NBEA: variants seen among roughly 807,000 people sequenced by gnomAD.
The protein encoded by NBEA is lysosomal-trafficking regulator 2.
In NBEA, 44 loss-of-function variants were observed where a neutral mutation model predicts 343.4. The observed-to-expected ratio is 0.13, with a 90% CI of 0.10 to 0.16. NBEA has a LOEUF of 0.16. NBEA is among the 10% of genes least tolerant of loss of function. NBEA has a pLI of 1.00. For synonymous variants in NBEA, 1,175 were observed against 1,238.7 expected (o/e 0.95, Z 1.08); for missense variants, 2,555 against 3,631.3 (o/e 0.70, Z 7.62).
At chr13:35,412,188 G>A (rs1158226354) in intron 38 of NBEA, among the ~76,000 whole-genome samples, 1 of 152,074 alleles carries the variant, frequency 6.6e-6, no homozygotes, top group African/African-American at 2.4e-5. Context: ...ATATATTATA[G>A]GTAAGAGATT....
At chr13:35,168,556 G>C (rs2070216802) in intron 24 of NBEA, among the ~76,000 whole-genome samples, 2 of 151,468 alleles carry the variant, frequency 1.3e-5, no homozygotes, top group Non-Finnish European at 3.0e-5. Context: ...GAAAATTCTA[G>C]AGGTTGGTAT....
intron 1 of NBEA, among the ~76,000 whole-genome samples, chr13:35,028,080 G>A (rs953328432): frequency 6.6e-6 from 1 of 151,906 alleles, no homozygotes; most frequent in East Asian, 1.9e-4. Context: ...AATTATTATA[G>A]CAAGTCTTAA....
chr13:35,120,672 A>ATTGTTATTTAGTAATAATGT (rs1566316799), intron 16 of NBEA, among the ~76,000 whole-genome samples: 2 of 149,026 alleles, frequency 1.3e-5, no homozygotes, highest in African/African-American at 5.2e-5. Context: ...AATTGGGCTT[A>ATTGTTATTTAGTAATAATGT]AGGAAGCCCT....
In NBEA at chr13:35,665,173, C is replaced by T. The variant is rs2085290511; in HGVS notation, c.8451C>T (p.Ile2817=). The change falls in exon 56 of 59, where the codon ATC becomes ATT. Residue 2817 remains isoleucine, a synonymous_variant. Transcript: ENST00000379939. ...TCTGTGCAGAACTTGGGCTTGTTAT[C>T]AGTGGTGCTAAAGGTCAGAAGTCAT... ...VSVCAELGLV[I]SGAKEGPCLV... 1 of 1,588,182 alleles carries T rather than the reference C, an allele frequency of 6.3e-7. No individual in the cohort carries two copies. The highest frequency in any genetic ancestry group is 1.3e-5 in the African/African-American group (1 of 74,752).
intron 18 of NBEA, among the ~76,000 whole-genome samples, chr13:35,153,229 T>G (rs370935534): frequency 6.6e-6 from 1 of 151,896 alleles, no homozygotes; most frequent in East Asian, 1.9e-4. Context: ...GAGACAGGGT[T>G]TCACCGTGTT....
At chr13:35,022,607 TG>T (rs1440103701) in intron 1 of NBEA, among the ~76,000 whole-genome samples, 1 of 152,140 alleles carries the variant, frequency 6.6e-6, no homozygotes, top group Non-Finnish European at 1.5e-5. Flanking sequence ...TACATGTTGA[TG>T]GGGGCAGATC....
At chr13:35,633,399 G>T (rs1374571825) in intron 49 of NBEA, among the ~76,000 whole-genome samples, 1 of 150,572 alleles carries the variant, frequency 6.6e-6, no homozygotes, top group Non-Finnish European at 1.5e-5. Flanking sequence ...ACCGCGCCCG[G>T]CCTAAATAAT....
At chr13:35,485,529 C>T (rs1415603079) in intron 41 of NBEA, among the ~76,000 whole-genome samples, 4 of 152,054 alleles carry the variant, frequency 2.6e-5, no homozygotes, top group Admixed American at 2.0e-4. Flanking sequence ...TTAGTTACAT[C>T]GCAAAGCTTT....
intron 1 of NBEA, among the ~76,000 whole-genome samples, chr13:35,009,061 C>T (rs1302057182): frequency 6.6e-6 from 1 of 152,176 alleles, no homozygotes; most frequent in Non-Finnish European, 1.5e-5. Context: ...TCTCTGATGT[C>T]TTCAAGTATT....
intron 41 of NBEA, among the ~76,000 whole-genome samples, chr13:35,504,221 CA>C (rs2076989146): frequency 1.3e-5 from 2 of 152,112 alleles, no homozygotes; most frequent in Admixed American, 1.3e-4. Flanking sequence ...ATTGAAGTTA[CA>C]AACAACAAAA....
intron 33 of NBEA, among the ~76,000 whole-genome samples, chr13:35,215,732 A>G (rs1368584158): frequency 6.6e-6 from 1 of 151,648 alleles, no homozygotes; most frequent in African/African-American, 2.4e-5. Context: ...ATTATTTTCT[A>G]TGCATGAGAT....
intron 49 of NBEA, among the ~76,000 whole-genome samples, chr13:35,630,879 A>G (rs750689445): frequency 3.3e-5 from 5 of 152,100 alleles, no homozygotes; most frequent in Non-Finnish European, 7.4e-5. Flanking sequence ...GCCATTTAGT[A>G]CAGTGTAGAC....
chr13:35,611,201 A>G (rs532318406), intron 48 of NBEA, among the ~76,000 whole-genome samples: 2 of 152,320 alleles, frequency 1.3e-5, no homozygotes, highest in South Asian at 2.1e-4. Flanking sequence ...TAGCCCCCCA[A>G]AAATGAAAAC....
At chr13:35,562,588 C>G (rs1009476956) in intron 44 of NBEA, among the ~76,000 whole-genome samples, 1 of 152,004 alleles carries the variant, frequency 6.6e-6, no homozygotes, top group African/African-American at 2.4e-5. Context: ...CTTTTTTACT[C>G]TGTGATGAAC....
chr13:35,169,646 A>T (rs1438593796), intron 25 of NBEA, among the ~76,000 whole-genome samples: 1 of 151,738 alleles, frequency 6.6e-6, no homozygotes, highest in African/African-American at 2.4e-5. Flanking sequence ...GTGAACACAG[A>T]TCTAGATATT....
intron 54 of NBEA, 142 bp from the exon 55 acceptor site, chr13:35,655,437 G>A: frequency 1.2e-6 from 1 of 846,112 alleles, no homozygotes; most frequent in Non-Finnish European, 1.8e-6. Flanking sequence ...AACTTTGTCA[G>A]CCCATAGATG....
chr13:35,070,796 T>G lies in NBEA; in HGVS notation c.1515T>G (p.Leu505=). ...GAGGGATTCAAGTGCTTTTTCCACTTTTTGCCCAATTGGATAATAGGCAGC... is the reference window on the plus strand; with the variant it reads ...GAGGGATTCAAGTGCTTTTTCCACTGTTTGCCCAATTGGATAATAGGCAGC... ...SIGGIQVLFP[L]FAQLDNRQLN... is the part of the protein sequence containing the mutation. Residue 505 remains leucine (L), a synonymous_variant, in exon 10 of 59, where the codon CTT becomes CTG. Coordinates refer to ENST00000379939, the MANE Select transcript of NBEA (RefSeq NM_001385012.1). The G allele has an allele frequency of 1.2e-6, 2 of 1,610,358 alleles. No homozygotes were observed.
At chr13:35,356,772 A>G (rs2040511727) in intron 38 of NBEA, among the ~76,000 whole-genome samples, 1 of 152,046 alleles carries the variant, frequency 6.6e-6, no homozygotes, top group Non-Finnish European at 1.5e-5. Flanking sequence ...ACTCCACCAC[A>G]GCCACCCTGG....
At chr13:35,649,114 C>T (rs1462668111) in intron 51 of NBEA, among the ~76,000 whole-genome samples, 1 of 152,216 alleles carries the variant, frequency 6.6e-6, no homozygotes, top group African/African-American at 2.4e-5. Context: ...CATAAACAGT[C>T]AGTGCCAGAG....
Sources: allele counts gnomAD v4.1 joint callset (sites outside exome capture counted in the v4.1 genomes callset), GRCh38; gene constraint gnomAD v4.1.1; transcripts MANE v1.5; gene names NCBI Gene and HGNC (gene_info 2026-07-23, HGNC 2026-07-21).